CD226: variants seen among roughly 807,000 people sequenced by gnomAD.
CD226 encodes CD226 antigen.
In CD226, 24 loss-of-function variants were observed where a neutral mutation model predicts 34.9. That is an observed-to-expected ratio of 0.69 (90% CI 0.50 to 0.97). The LOEUF (loss-of-function observed/expected upper bound fraction) is 0.97. Ranked by LOEUF, CD226 falls within the 50% of genes least tolerant of loss-of-function variation. The probability of loss-of-function intolerance (pLI) is 0.00; values close to 1 mark genes in which losing one functional copy is unlikely to be tolerated. For synonymous variants in CD226, 148 were observed against 147.4 expected (o/e 1.00, Z -0.03); for missense variants, 397 against 412.7 (o/e 0.96, Z 0.33).
intron 2 of CD226, among the ~76,000 whole-genome samples, chr18:69,933,184 A>T (rs911077448): frequency 1.4e-4 from 21 of 151,956 alleles, no homozygotes; most frequent in African/African-American, 5.1e-4. Context: ...CCTCTACATC[A>T]TCCTCCGTGC....
chr18:69,941,662 C>A (rs1045722375), intron 2 of CD226, among the ~76,000 whole-genome samples: 9 of 152,176 alleles, frequency 5.9e-5, no homozygotes, highest in African/African-American at 2.2e-4. Flanking sequence ...AAGTAACTAA[C>A]TTGCTTTTGA....
chr18:69,935,403 G>C (rs186675117), intron 2 of CD226, among the ~76,000 whole-genome samples: 2 of 152,154 alleles, frequency 1.3e-5, no homozygotes, highest in East Asian at 3.8e-4. Context: ...TTGAAGTGAG[G>C]AATTTTTTAA....
At chr18:69,908,086 C>G (rs1396154095) in intron 2 of CD226, among the ~76,000 whole-genome samples, 1 of 152,220 alleles carries the variant, frequency 6.6e-6, no homozygotes, top group Non-Finnish European at 1.5e-5. Context: ...TGACCTATCT[C>G]TCTCCCAGGA....
upstream of CD226, among the ~76,000 whole-genome samples, chr18:69,949,712 C>T (rs1174035481): frequency 6.6e-6 from 1 of 151,998 alleles, no homozygotes; most frequent in Non-Finnish European, 1.5e-5. Flanking sequence ...TGCACCCACA[C>T]ATGCTCTAAC....
intron 2 of CD226, among the ~76,000 whole-genome samples, chr18:69,922,280 T>C (rs1045850131): frequency 2.6e-5 from 4 of 152,158 alleles, no homozygotes; most frequent in African/African-American, 9.7e-5. Flanking sequence ...ATGTCTATAA[T>C]TTTCGTTTGT....
chr18:69,938,296 C>T (rs1408040188), intron 2 of CD226, among the ~76,000 whole-genome samples: 1 of 152,166 alleles, frequency 6.6e-6, no homozygotes, highest in Non-Finnish European at 1.5e-5. Context: ...CCTCTCCCTC[C>T]CAACTCTCCC....
chr18:69,956,487 G>A (rs549063528), intron 1 of CD226: 2 of 152,232 alleles, frequency 1.3e-5, no homozygotes, highest in African/African-American at 2.4e-5. Context: ...AGAACTTTAC[G>A]ATCAGATCTA....
At chr18:69,912,487 G>GTATA (rs2055337638) in intron 2 of CD226, among the ~76,000 whole-genome samples, 1 of 152,118 alleles carries the variant, frequency 6.6e-6, no homozygotes. Flanking sequence ...CTGAGAAAGG[G>GTATA]TATACAAAGC....
chr18:69,868,172 G>A (rs1458410263), intron 4 of CD226, among the ~76,000 whole-genome samples: 1 of 152,178 alleles, frequency 6.6e-6, no homozygotes, highest in Non-Finnish European at 1.5e-5. Context: ...AGAGGCTACT[G>A]TAACTGAATG....
In CD226 at chr18:69,859,236, T is replaced by G. The variant is rs1330206278; in HGVS notation, c.*5078A>C. The G allele has an allele frequency of 6.6e-6, 1 of 152,076 alleles. No individual in the cohort carries two copies. Among genetic ancestry groups the G allele is most frequent in the Non-Finnish European group, 1.5e-5 (1 of 68,026 alleles). 9.4% of individuals were successfully genotyped at this position (152,076 alleles called of 1,614,324 possible). On this transcript the variant is annotated 3_prime_UTR_variant, in exon 6 of 6. Coordinates refer to ENST00000582621, the MANE Select transcript of CD226 (RefSeq NM_001303618.2). ...TCTCCTTCTAGCCCCAAGTCAAGCT[T>G]CTAATGGAGTCTTTCTAAGGAAGTT...
Position 69,860,553 on chromosome 18 carries a change from G to T in CD226, c.*3761C>A, listed in dbSNP as rs1199958013. ...TTAGAAAGCATTGCAGTTAATTCTAGAAGCTATTTTTCTACCTATTGAATC... is the reference window on the plus strand; with the variant it reads ...TTAGAAAGCATTGCAGTTAATTCTATAAGCTATTTTTCTACCTATTGAATC... On this transcript the variant is annotated 3_prime_UTR_variant, in exon 6 of 6. Coordinates refer to ENST00000582621, the MANE Select transcript of CD226 (RefSeq NM_001303618.2). The T allele has an allele frequency of 3.3e-5, 5 of 152,142 alleles. No homozygotes were observed. Among genetic ancestry groups the T allele is most frequent in the African/African-American group, 1.2e-4 (5 of 41,430 alleles). The allele number at this position is 152,142 out of a possible 1,614,324, so 9.4% of individuals were successfully genotyped here. A position where few individuals can be genotyped will look rare whatever the true frequency, so the allele number is the denominator to read the frequency against.
intron 3 of CD226, among the ~76,000 whole-genome samples, chr18:69,893,162 CT>C (rs1985005941): frequency 6.6e-6 from 1 of 152,166 alleles, no homozygotes; most frequent in African/African-American, 2.4e-5. Flanking sequence ...TCAATGATAA[CT>C]TTTTACTAAT....
At chr18:69,920,389 T>C (rs565366589) in intron 2 of CD226, among the ~76,000 whole-genome samples, 8 of 152,348 alleles carry the variant, frequency 5.3e-5, no homozygotes, top group South Asian at 4.1e-4. Context: ...TGTCCATTTA[T>C]ATACAAGATA....
rs1042137972 is a variant in CD226, at chr18:69,856,497, G to C, written c.*7817C>G. On this transcript the variant is annotated 3_prime_UTR_variant, in exon 6 of 6. Coordinates refer to ENST00000582621, the MANE Select transcript of CD226 (RefSeq NM_001303618.2). ...TTGTAGAATATTACACTCAACAGCA[G>C]AATGAACATTCTTCTTAAGATCACA... is the stretch of plus-strand genomic sequence containing the variant. 6.6e-6 allele frequency: 1 copy of C among 152,090 alleles called. No homozygotes were observed. Among genetic ancestry groups the C allele is most frequent in the African/African-American group, 2.4e-5 (1 of 41,414 alleles). The allele number at this position is 152,090 out of a possible 1,614,324, so 9.4% of individuals were successfully genotyped here. A position where few individuals can be genotyped will look rare whatever the true frequency, so the allele number is the denominator to read the frequency against.
At chr18:69,935,024 A>G (rs3930581) in intron 2 of CD226, among the ~76,000 whole-genome samples, 137,021 of 152,210 alleles carry the variant, frequency 0.9, 63,053 homozygotes, top group East Asian at 1. Flanking sequence ...AACAAAAACC[A>G]TAACTTAGAA....
upstream of CD226, among the ~76,000 whole-genome samples, chr18:69,948,782 G>C (rs1001612827): frequency 7.2e-5 from 11 of 152,152 alleles, no homozygotes; most frequent in African/African-American, 2.7e-4. Flanking sequence ...AAATTGTACT[G>C]AGTTATGCTG....
chr18:69,938,814 G>A (rs1222009869), intron 2 of CD226, among the ~76,000 whole-genome samples: 4 of 152,230 alleles, frequency 2.6e-5, no homozygotes, highest in East Asian at 3.8e-4. Flanking sequence ...GCCAGGCAAG[G>A]TGGCCTATGC....
chr18:69,910,896 G>A (rs1025569230), intron 2 of CD226, among the ~76,000 whole-genome samples: 1 of 152,162 alleles, frequency 6.6e-6, no homozygotes, highest in Admixed American at 6.5e-5. Context: ...TGGTAGAGCA[G>A]AAGGAATGTT....
At chr18:69,868,658 AT>A (rs1479453130) in intron 4 of CD226, among the ~76,000 whole-genome samples, 1 of 152,214 alleles carries the variant, frequency 6.6e-6, no homozygotes, top group African/African-American at 2.4e-5. Context: ...TATTATCCTC[AT>A]TTTAAAGATA....
Sources: allele counts gnomAD v4.1 joint callset (sites outside exome capture counted in the v4.1 genomes callset), GRCh38; gene constraint gnomAD v4.1.1; transcripts MANE v1.5; gene names NCBI Gene and HGNC (gene_info 2026-07-23, HGNC 2026-07-21).